The following CRYBG3 variants were observed in gnomAD, a reference collection of about 807,000 sequenced individuals.
The protein encoded by CRYBG3 is crystallin beta-gamma domain containing 3, also known as very large A-kinase anchor protein.
A neutral mutation model predicts 244.2 loss-of-function variants in CRYBG3; 127 were observed. The observed-to-expected ratio is 0.52, with a 90% CI of 0.45 to 0.60. The LOEUF is 0.60. Among genes scored for constraint, CRYBG3 ranks in the 20% least tolerant of loss-of-function variants. The pLI, the probability that CRYBG3 is intolerant of heterozygous loss-of-function variation, is 0.00. For missense variants in CRYBG3, 3,325 were observed against 3,442.5 expected (o/e 0.97, Z 0.85); for synonymous variants, 1,132 against 1,195.8 (o/e 0.95, Z 1.10).
At chr3:97,833,022 C>G (rs893882327) in intron 1 of CRYBG3, among the ~76,000 whole-genome samples, 1 of 152,192 alleles carries the variant, frequency 6.6e-6, no homozygotes, top group Non-Finnish European at 1.5e-5. Flanking sequence ...GAGATACCAT[C>G]TCACATGTTA....
intron 1 of CRYBG3, among the ~76,000 whole-genome samples, chr3:97,827,138 G>A (rs544384764): frequency 6.6e-6 from 1 of 152,286 alleles, no homozygotes; most frequent in African/African-American, 2.4e-5. Flanking sequence ...GCAGAAAAGG[G>A]CATCCCTTCG....
Position 97,875,942 on chromosome 3 carries a change from C to G in CRYBG3, c.4748C>G (p.Thr1583Arg). Residue 1583 changes from threonine (T) to arginine (R), a missense_variant, in exon 4 of 22, where the codon ACG (threonine) becomes AGG (arginine). This residue lies in a region of CRYBG3 where 635 missense variants were observed against 771.7 expected (regional missense o/e 0.82). Transcript: ENST00000389622. Reference protein sequence around the residue: ...IHKMDAELNVTKTEPKANVFK... With the variant: ...IHKMDAELNVRKTEPKANVFK... ...AAAATGGATGCTGAATTGAATGTCA[C>G]GAAAACTGAGCCAAAAGCTAATGTT... The G allele has an allele frequency of 2.4e-6, 3 of 1,231,818 alleles. No individual in the cohort carries two copies. The highest frequency in any genetic ancestry group is 2.0e-6 in the Non-Finnish European group (2 of 987,902). 76.3% of individuals were successfully genotyped at this position (1,231,818 alleles called of 1,614,324 possible). A position where few individuals can be genotyped will look rare whatever the true frequency, so the allele number is the denominator to read the frequency against.
chr3:97,913,485 T>C (rs1575961890), intron 16 of CRYBG3, among the ~76,000 whole-genome samples: 1 of 152,198 alleles, frequency 6.6e-6, no homozygotes, highest in African/African-American at 2.4e-5. Flanking sequence ...CACAAACCAA[T>C]AGGCACAGCT....
At chr3:97,933,666 T>G in intron 17 of CRYBG3, 28 bp from the exon 18 acceptor site, 1 of 1,611,518 alleles carries the variant, frequency 6.2e-7, no homozygotes, top group Non-Finnish European at 8.5e-7. Context: ...GCCACTCCTA[T>G]GGTGACGCTT....
chr3:97,903,040 C>A (rs1276314734), intron 15 of CRYBG3, among the ~76,000 whole-genome samples: 1 of 152,104 alleles, frequency 6.6e-6, no homozygotes, highest in African/African-American at 2.4e-5. Context: ...CAGCCAAGTA[C>A]CTTTTGTTTC....
chr3:97,832,491 G>A (rs557786521), intron 1 of CRYBG3, among the ~76,000 whole-genome samples: 2 of 152,028 alleles, frequency 1.3e-5, no homozygotes, highest in African/African-American at 2.4e-5. Context: ...TTTAATAAAT[G>A]GTTTTGGGAA....
chr3:97,860,420 G>A (rs1419786123), intron 2 of CRYBG3, among the ~76,000 whole-genome samples: 3 of 152,124 alleles, frequency 2.0e-5, no homozygotes, highest in African/African-American at 7.2e-5. Flanking sequence ...ACAGAAAGCG[G>A]TTAGGCAGTT....
rs546113461 is a variant in CRYBG3, at chr3:97,898,312, T to G, written c.7702-571T>G. Reference sequence around the variant, plus strand: ...TGAAATTAGACATTTGCATATTTGTTATTTTCTCTTTCATGAGCTGTCTTT... The same window carrying G: ...TGAAATTAGACATTTGCATATTTGTGATTTTCTCTTTCATGAGCTGTCTTT... On this transcript the variant is annotated intron_variant, in intron 12 of 21. Coordinates refer to ENST00000389622, the MANE Select transcript of CRYBG3 (RefSeq NM_153605.4). 5.9e-5 allele frequency among the ~76,000 whole-genome samples: 9 copies of G among 152,346 alleles called. 1 individual carries two copies. Among genetic ancestry groups the G allele is most frequent in the African/African-American group, 2.2e-4 (9 of 41,592 alleles).
At position 97,944,050 on chromosome 3, in the gene CRYBG3, T is replaced by TA. The variant is rs1010112138; in HGVS notation, c.*738dup. The TA allele has an allele frequency of 1.3e-5, 2 of 151,622 alleles. No individual in the cohort carries two copies. Among genetic ancestry groups the TA allele is most frequent in the African/African-American group, 4.8e-5 (2 of 41,340 alleles). The allele number at this position is 151,622 out of a possible 1,614,324, so 9.4% of individuals were successfully genotyped here. A position where few individuals can be genotyped will look rare whatever the true frequency, so the allele number is the denominator to read the frequency against. On this transcript the variant is annotated 3_prime_UTR_variant, in exon 22 of 22. Coordinates refer to ENST00000389622, the MANE Select transcript of CRYBG3 (RefSeq NM_153605.4). ...CATCCCTTTAGGTGACAAGACTCTA[T>TA]AACAGTGGTTACCTGTCTCCATGTT...
rs1314011607 is a variant in CRYBG3 at position 97,904,845 on chromosome 3, G to A, written c.8004+4360G>A. ...GCTGGTGCACTGCACCCACTAACTCGTCATCTAGCATTAGGTATATCTCCC... is the reference window on the plus strand; with the variant it reads ...GCTGGTGCACTGCACCCACTAACTCATCATCTAGCATTAGGTATATCTCCC... On this transcript the variant is annotated intron_variant, in intron 15 of 21. Transcript: ENST00000389622. 4.7e-5 allele frequency among the ~76,000 whole-genome samples: 7 copies of A among 149,826 alleles called. No individual in the cohort carries two copies. The East Asian group carries it at 1.4e-3, about 30-fold the overall frequency.
chr3:97,911,564 ATCTT>A (rs1420883220), intron 15 of CRYBG3, among the ~76,000 whole-genome samples: 1 of 152,166 alleles, frequency 6.6e-6, no homozygotes, highest in Non-Finnish European at 1.5e-5. Flanking sequence ...TAACACAGAT[ATCTT>A]TCTTTCTTCA....
chr3:97,840,169 T>C (rs887495049), intron 1 of CRYBG3, among the ~76,000 whole-genome samples: 28 of 152,144 alleles, frequency 1.8e-4, no homozygotes, highest in African/African-American at 6.7e-4. Context: ...AAGTGATTTG[T>C]AGGAGTGTAA....
Position 97,876,611 on chromosome 3 carries a change from T to TA in CRYBG3, c.5421dup (p.Val1808SerfsTer23). On this transcript the variant is annotated frameshift_variant, in exon 4 of 22. Coordinates refer to ENST00000389622, the MANE Select transcript of CRYBG3 (RefSeq NM_153605.4). LOFTEE classifies it high-confidence loss of function. ...AATACTGAAATAGTACCGTGTGTGT[T>TA]AAAAGTGAAGGAAGCACACGAGACA... is the stretch of plus-strand genomic sequence containing the variant. The TA allele has an allele frequency of 1.6e-6, 2 of 1,234,156 alleles. No individual in the cohort carries two copies. The highest frequency in any genetic ancestry group is 2.0e-6 in the Non-Finnish European group (2 of 989,402). 76.5% of individuals were successfully genotyped at this position (1,234,156 alleles called of 1,614,324 possible).
intron 18 of CRYBG3, among the ~76,000 whole-genome samples, chr3:97,934,936 C>G (rs890639498): frequency 6.6e-6 from 1 of 151,898 alleles, no homozygotes; most frequent in Non-Finnish European, 1.5e-5. Flanking sequence ...TCATTTTTTT[C>G]TGGAACACTG....
At chr3:97,941,126 A>ATGGCTGTTTCTCCTG (rs2040224009) in intron 19 of CRYBG3, 22 bp from the exon 20 acceptor site, 1 of 1,576,634 alleles carries the variant, frequency 6.3e-7, no homozygotes, top group East Asian at 2.3e-5. Context: ...TTATTTCTAA[A>ATGGCTGTTTCTCCTG]TGGCTGTTTC....
At chr3:97,879,910 AG>A in intron 5 of CRYBG3, 74 bp from the exon 6 acceptor site, 2 of 964,570 alleles carry the variant, frequency 2.1e-6, no homozygotes, top group East Asian at 5.0e-5. Context: ...TCTATGTTCT[AG>A]GACATTTTAG....
chr3:97,910,524 G>A (rs970161963), intron 15 of CRYBG3, among the ~76,000 whole-genome samples: 29 of 152,300 alleles, frequency 1.9e-4, no homozygotes, highest in Admixed American at 5.9e-4. Context: ...GGTGCTGTCC[G>A]TCACCCCTTT....
intron 1 of CRYBG3, among the ~76,000 whole-genome samples, chr3:97,828,308 C>A (rs772471776): frequency 1.3e-5 from 2 of 152,070 alleles, no homozygotes; most frequent in South Asian, 4.1e-4. Flanking sequence ...TTCCACTGAA[C>A]ATGTACAGTT....
At chr3:97,916,732 G>C (rs1207443507) in intron 17 of CRYBG3, among the ~76,000 whole-genome samples, 2 of 152,068 alleles carry the variant, frequency 1.3e-5, no homozygotes, top group African/African-American at 4.8e-5. Context: ...AGGCATTCCT[G>C]GATAGAGTAT....
Sources: allele counts gnomAD v4.1 joint callset (sites outside exome capture counted in the v4.1 genomes callset), GRCh38; gene constraint gnomAD v4.1.1; regional missense constraint gnomAD v4.1.1; transcripts MANE v1.5; gene names NCBI Gene and HGNC (gene_info 2026-07-23, HGNC 2026-07-21).